Variants in CWC22 observed in about 807,000 individuals in gnomAD.
CWC22 encodes CWC22 spliceosome associated protein.
Under a neutral mutation model 117.2 loss-of-function variants are expected in CWC22, and 53 were observed. The observed-to-expected ratio is 0.45, with a 90% CI of 0.36 to 0.57. The LOEUF is 0.57. Ranked by LOEUF, CWC22 falls within the 20% of genes least tolerant of loss-of-function variation. The pLI, the probability that CWC22 is intolerant of heterozygous loss-of-function variation, is 0.00. For synonymous variants in CWC22, 360 were observed against 355.6 expected, an observed-to-expected ratio of 1.01 and a Z score of -0.14; for missense variants, 980 against 1,068.8, an observed-to-expected ratio of 0.92 and a Z score of 1.16.
intron 5 of CWC22, among the ~76,000 whole-genome samples, chr2:179,980,883 A>T (rs925977989): frequency 3.3e-5 from 5 of 152,200 alleles, no homozygotes; most frequent in Admixed American, 3.3e-4. Flanking sequence ...TAATCATTTC[A>T]ATCTGGGACC....
chr2:179,966,628 T>A (rs1422686748), intron 11 of CWC22, among the ~76,000 whole-genome samples: 3 of 152,166 alleles, frequency 2.0e-5, no homozygotes, highest in East Asian at 1.9e-4. Flanking sequence ...ATACAAATGA[T>A]ATATTCAGAG....
intron 1 of CWC22, among the ~76,000 whole-genome samples, chr2:179,996,909 C>T (rs754343908): frequency 8.1e-5 from 12 of 148,838 alleles, no homozygotes; most frequent in South Asian, 2.1e-4. Flanking sequence ...ACTGATTAAA[C>T]AAAAAACAAC....
Position 179,981,908 on chromosome 2 carries a change from G to T in CWC22, c.296C>A (p.Pro99Gln). 2 of 1,599,342 alleles carry T rather than the reference G, an allele frequency of 1.3e-6. No homozygotes were observed. Among genetic ancestry groups the T allele is most frequent in the Non-Finnish European group, 1.7e-6 (2 of 1,172,082 alleles). The change falls in exon 5 of 20, where the codon CCA (proline) becomes CAA (glutamine). Residue 99 changes from proline to glutamine, a missense_variant. This residue lies in a region of CWC22 where 559 missense variants were observed against 602.3 expected (regional missense o/e 0.93). Transcript: ENST00000410053. ...RKSPSPGRRNPETSVTQSSSA... is the reference protein window; with the variant it reads ...RKSPSPGRRNQETSVTQSSSA... ...GGAACTCTGAGTTACTGATGTTTCT[G>T]GGTTTCTCCTCCCAGGAGATGGGGA...
intron 17 of CWC22, among the ~76,000 whole-genome samples, chr2:179,951,256 A>C (rs1005100933): frequency 2.0e-4 from 30 of 152,058 alleles, no homozygotes; most frequent in African/African-American, 7.2e-4. Flanking sequence ...ACACACGTAT[A>C]TATAGTGAAT....
intron 1 of CWC22, among the ~76,000 whole-genome samples, chr2:180,005,914 A>C (rs1465269467): frequency 6.6e-6 from 1 of 152,214 alleles, no homozygotes; most frequent in East Asian, 1.9e-4. Flanking sequence ...TTGGTCTACT[A>C]GTCCATCACC....
intron 1 of CWC22, among the ~76,000 whole-genome samples, chr2:180,001,330 CTTT>C (rs1301402204): frequency 3.5e-5 from 5 of 143,842 alleles, no homozygotes; most frequent in Non-Finnish European, 7.7e-5. Context: ...ATTTTTTTTT[CTTT>C]TTTTTTTTTC....
intron 13 of CWC22, 83 bp downstream of exon 13, chr2:179,964,464 G>T: frequency 1.5e-6 from 1 of 682,544 alleles, no homozygotes. Flanking sequence ...TTTCTGTTAT[G>T]AGACCCTAAA....
At position 179,945,639 on chromosome 2, in the gene CWC22, T is replaced by C. The variant is rs761280862; in HGVS notation, c.2217A>G (p.Thr739=). 1 of 1,612,564 alleles carries C rather than the reference T, an allele frequency of 6.2e-7. No individual in the cohort carries two copies. Among genetic ancestry groups the C allele is most frequent in the Non-Finnish European group, 8.5e-7 (1 of 1,179,588 alleles). The change falls in exon 20 of 20, where the codon ACA becomes ACG. Residue 739 remains threonine (T), a synonymous_variant. Coordinates refer to ENST00000410053, the MANE Select transcript of CWC22 (RefSeq NM_020943.3). Reference sequence around the variant, plus strand: ...TTCTTTCTTTTTGTTTCCTATCATTTGTTTGCTGGTTTCTGATCAATTTAT... The same window carrying C: ...TTCTTTCTTTTTGTTTCCTATCATTCGTTTGCTGGTTTCTGATCAATTTAT... ...EVDKLIRNQQ[T]NDRKQKERRQ...
At chr2:179,956,037 C>T (rs975987901) in intron 14 of CWC22, among the ~76,000 whole-genome samples, 3 of 151,762 alleles carry the variant, frequency 2.0e-5, no homozygotes, top group Admixed American at 6.6e-5. Context: ...CATATAAAAA[C>T]GTGTTGCTTT....
intron 1 of CWC22, among the ~76,000 whole-genome samples, chr2:179,998,456 A>T (rs1011239333): frequency 6.6e-6 from 1 of 152,120 alleles, no homozygotes; most frequent in Non-Finnish European, 1.5e-5. Context: ...GAATTCAAGC[A>T]ATTTGTCCAC....
intron 1 of CWC22, among the ~76,000 whole-genome samples, chr2:180,000,212 G>A (rs1255336622): frequency 2.0e-5 from 3 of 152,108 alleles, no homozygotes; most frequent in Admixed American, 2.0e-4. Context: ...TTTGATGTCA[G>A]CATAGAATCA....
At chr2:179,951,474 T>C (rs1410168069) in intron 17 of CWC22, among the ~76,000 whole-genome samples, 1 of 152,012 alleles carries the variant, frequency 6.6e-6, no homozygotes, top group Non-Finnish European at 1.5e-5. Context: ...CATTTGGTTT[T>C]CAGCACCACA....
intron 14 of CWC22, among the ~76,000 whole-genome samples, chr2:179,958,349 A>AAAG (rs1167121490): frequency 1.3e-5 from 2 of 149,568 alleles, no homozygotes; most frequent in African/African-American, 4.9e-5. Context: ...AAAAAAAAAA[A>AAAG]AGAATGAAGA....
chr2:179,995,994 C>T lies in CWC22; in HGVS notation c.-113-2540G>A, dbSNP rs143706777. 1.5e-3 allele frequency among the ~76,000 whole-genome samples: 236 copies of T among 152,300 alleles called. 2 individuals carry two copies. The highest frequency in any genetic ancestry group is 4.6e-3 in the South Asian group (22 of 4,828). ...ATTGTTCCCACATCTCTGACTACCT[C>T]TGAACCAACACATGTACAAGACAGA... On this transcript the variant is annotated intron_variant, in intron 1 of 19. Coordinates refer to ENST00000410053, the MANE Select transcript of CWC22 (RefSeq NM_020943.3).
chr2:179,953,459 T>C (rs998015546), intron 16 of CWC22, among the ~76,000 whole-genome samples: 3 of 152,098 alleles, frequency 2.0e-5, no homozygotes, highest in Non-Finnish European at 4.4e-5. Flanking sequence ...TCTAAGACTT[T>C]TTATTTTGTA....
intron 19 of CWC22, among the ~76,000 whole-genome samples, chr2:179,947,442 A>G (rs1686338726): frequency 6.6e-6 from 1 of 152,244 alleles, no homozygotes; most frequent in African/African-American, 2.4e-5. Flanking sequence ...TGTTTGCATT[A>G]TAATTTCCTA....
At chr2:179,996,423 C>T (rs1007761057) in intron 1 of CWC22, among the ~76,000 whole-genome samples, 25 of 152,038 alleles carry the variant, frequency 1.6e-4, no homozygotes, top group Admixed American at 1.2e-3. Flanking sequence ...TCACTGAATA[C>T]GCTTAACAGT....
In CWC22 at chr2:180,004,387, T is replaced by A. The variant is rs577600986; in HGVS notation, c.-114+2480A>T. On this transcript the variant is annotated intron_variant, in intron 1 of 19. Transcript: ENST00000410053. Reference sequence around the variant, plus strand: ...GGGAAGGAGAGTTAACTTCTTTTTTTCTTCTTCTTCTTTTTTTTTCTTGAG... The same window carrying A: ...GGGAAGGAGAGTTAACTTCTTTTTTACTTCTTCTTCTTTTTTTTTCTTGAG... Among the ~76,000 whole-genome samples, 3 of 152,226 alleles carry A rather than the reference T, an allele frequency of 2.0e-5. No individual in the cohort carries two copies. The East Asian group carries it at 5.8e-4, about 29-fold the overall frequency.
At position 179,961,516 on chromosome 2, in the gene CWC22, A is replaced by T. The variant is rs548566805; in HGVS notation, c.1398-2434T>A. On this transcript the variant is annotated intron_variant, in intron 13 of 19. Transcript: ENST00000410053. ...TCTAACATTAAGATTAAAATACTAA[A>T]CGGTAATTGATACATTTTAATAATA... 4.6e-5 allele frequency among the ~76,000 whole-genome samples: 7 copies of T among 152,182 alleles called. No individual in the cohort carries two copies. In the South Asian group the frequency reaches 1.2e-3, roughly 27 times the overall value.
Sources: allele counts gnomAD v4.1 joint callset (sites outside exome capture counted in the v4.1 genomes callset), GRCh38; gene constraint gnomAD v4.1.1; regional missense constraint gnomAD v4.1.1; transcripts MANE v1.5; gene names NCBI Gene and HGNC (gene_info 2026-07-23, HGNC 2026-07-21).